The following PDE4D variants were observed in gnomAD, a reference collection of about 807,000 sequenced individuals.
PDE4D encodes the protein phosphodiesterase 4D.
A neutral mutation model predicts 87.4 loss-of-function variants in PDE4D; 24 were observed. The observed-to-expected ratio is 0.27, with a 90% confidence interval of 0.20 to 0.39. The LOEUF (loss-of-function observed/expected upper bound fraction) is 0.39. PDE4D is among the 10% of genes least tolerant of loss of function. PDE4D has a pLI of 1.00. For synonymous variants in PDE4D, 384 were observed against 383.2 expected (o/e 1.00, Z -0.02); for missense variants, 714 against 1,041.0 (o/e 0.69, Z 4.32).
chr5:59,982,071 A>G (rs1761983931), intron 3 of PDE4D, among the ~76,000 whole-genome samples: 1 of 152,216 alleles, frequency 6.6e-6, no homozygotes, highest in Non-Finnish European at 1.5e-5. Flanking sequence ...ATGAACCCTT[A>G]TATGAATAAA....
chr5:60,179,411 G>A (rs528217783), intron 2 of PDE4D, among the ~76,000 whole-genome samples: 27 of 152,022 alleles, frequency 1.8e-4, no homozygotes, highest in Admixed American at 4.6e-4. Context: ...AGGTTTTGGC[G>A]CAGAAGTATT....
chr5:59,552,470 C>T (rs1370245092), intron 1 of PDE4D, among the ~76,000 whole-genome samples: 2 of 152,054 alleles, frequency 1.3e-5, no homozygotes, highest in African/African-American at 2.4e-5. Flanking sequence ...AATAACTATA[C>T]AACTTCCCAA....
At chr5:60,151,335 T>C (rs1365433568) in intron 2 of PDE4D, among the ~76,000 whole-genome samples, 1 of 152,202 alleles carries the variant, frequency 6.6e-6, no homozygotes, top group Non-Finnish European at 1.5e-5. Flanking sequence ...ATAAGGATTG[T>C]ATTGAATCTT....
intron 1 of PDE4D, among the ~76,000 whole-genome samples, chr5:59,572,977 T>C (rs1025577894): frequency 6.6e-6 from 1 of 152,166 alleles, no homozygotes; most frequent in Non-Finnish European, 1.5e-5. Context: ...TTAGGACAAA[T>C]TTCTTTCTGA....
chr5:59,055,131 A>C (rs1424110130), intron 5 of PDE4D, among the ~76,000 whole-genome samples: 1 of 152,174 alleles, frequency 6.6e-6, no homozygotes, highest in East Asian at 1.9e-4. Context: ...GTTGCTGGGC[A>C]TCCTGGTTGC....
At chr5:60,154,233 A>G (rs1482910129) in intron 2 of PDE4D, among the ~76,000 whole-genome samples, 3 of 152,136 alleles carry the variant, frequency 2.0e-5, no homozygotes, top group Admixed American at 1.3e-4. Context: ...TAAGCTCAAT[A>G]CCAGGATTTG....
intron 5 of PDE4D, among the ~76,000 whole-genome samples, chr5:59,109,126 A>G (rs1772173311): frequency 6.6e-6 from 1 of 151,962 alleles, no homozygotes; most frequent in African/African-American, 2.4e-5. Context: ...GTGACCCACT[A>G]TATCAGTTTC....
intron 1 of PDE4D, among the ~76,000 whole-genome samples, chr5:60,389,218 A>G (rs79721796): frequency 0.028 from 4,206 of 152,322 alleles, 92 homozygotes; most frequent in Middle Eastern, 0.078. Context: ...ATTGCACTTT[A>G]TAACACAGTA....
rs1244817231 is a variant in PDE4D at position 59,396,081 on chromosome 5, G to A, written c.456-180113C>T. On this transcript the variant is annotated intron_variant, in intron 1 of 14. Transcript: ENST00000340635. ...AAGCCTCCAAGAAATATGGGACTAT[G>A]TGAATAGACCAAGTCTACGTCTGAC... Among the ~76,000 whole-genome samples the A allele has an allele frequency of 1.2e-4, 15 of 120,406 alleles. 4 individuals are homozygous for A. The highest frequency in any genetic ancestry group is 5.0e-4 in the African/African-American group (15 of 29,918). The allele number at this position is 120,406 out of a possible 152,430, so 79.0% of individuals were successfully genotyped here. A position where few individuals can be genotyped will look rare whatever the true frequency, so the allele number is the denominator to read the frequency against.
chr5:59,855,883 T>C (rs1745352322), intron 1 of PDE4D, among the ~76,000 whole-genome samples: 1 of 152,184 alleles, frequency 6.6e-6, no homozygotes, highest in Admixed American at 6.5e-5. Flanking sequence ...TCAAGTATTC[T>C]ACGATATTGC....
intron 1 of PDE4D, among the ~76,000 whole-genome samples, chr5:60,283,005 T>C (rs1346842092): frequency 6.6e-6 from 1 of 152,070 alleles, no homozygotes; most frequent in African/African-American, 2.4e-5. Flanking sequence ...TTGGGTGGAG[T>C]GTTCTAAAAT....
intron 1 of PDE4D, among the ~76,000 whole-genome samples, chr5:59,243,341 C>T (rs1042737360): frequency 8.7e-5 from 13 of 148,938 alleles, no homozygotes; most frequent in Non-Finnish European, 1.5e-4. Flanking sequence ...ACAAGAGTGT[C>T]GGACTAGACA....
At chr5:59,335,943 A>G (rs539790568) in intron 1 of PDE4D, among the ~76,000 whole-genome samples, 3 of 152,362 alleles carry the variant, frequency 2.0e-5, no homozygotes, top group South Asian at 4.1e-4. Flanking sequence ...CTAGAGGTCT[A>G]TAACTATATT....
chr5:59,937,617 T>C (rs1013473714), intron 3 of PDE4D, among the ~76,000 whole-genome samples: 2 of 152,206 alleles, frequency 1.3e-5, no homozygotes, highest in Non-Finnish European at 2.9e-5. Flanking sequence ...GAGAAAACTC[T>C]TCCCCTTCTT....
intron 1 of PDE4D, among the ~76,000 whole-genome samples, chr5:59,446,049 G>C (rs1282836532): frequency 6.6e-6 from 1 of 152,098 alleles, no homozygotes; most frequent in Non-Finnish European, 1.5e-5. Flanking sequence ...TGATATAACA[G>C]AGGCAATTGT....
chr5:59,376,371 G>A (rs979648050), intron 1 of PDE4D, among the ~76,000 whole-genome samples: 1 of 152,066 alleles, frequency 6.6e-6, no homozygotes, highest in Non-Finnish European at 1.5e-5. Flanking sequence ...AAAATAACTA[G>A]CATTCCTACA....
chr5:60,453,861 C>T (rs1296951720), intron 1 of PDE4D, among the ~76,000 whole-genome samples: 1 of 152,092 alleles, frequency 6.6e-6, no homozygotes, highest in African/African-American at 2.4e-5. Context: ...TATAAGTGCA[C>T]CTGTGTTATT....
intron 1 of PDE4D, among the ~76,000 whole-genome samples, chr5:59,287,274 C>T (rs547776095): frequency 1.4e-4 from 22 of 152,262 alleles, no homozygotes; most frequent in Non-Finnish European, 2.6e-4. Context: ...AGTAGCCAGA[C>T]AGTACTTGTC....
intron 1 of PDE4D, among the ~76,000 whole-genome samples, chr5:60,267,917 G>T (rs780023775): frequency 2.0e-5 from 3 of 152,142 alleles, no homozygotes; most frequent in South Asian, 4.1e-4. Context: ...ACTCTTCCAC[G>T]TTCATTCCCA....
Sources: allele counts gnomAD v4.1 joint callset (sites outside exome capture counted in the v4.1 genomes callset), GRCh38; gene constraint gnomAD v4.1.1; transcripts MANE v1.5; gene names NCBI Gene and HGNC (gene_info 2026-07-23, HGNC 2026-07-21).